The following RBM47 variants were observed in gnomAD, a reference collection of about 807,000 sequenced individuals.
RBM47 encodes RNA-binding protein 47.
Under a neutral mutation model 47.1 loss-of-function variants are expected in RBM47, and 21 were observed. The ratio of observed to expected loss-of-function variants is 0.45; its 90% CI spans 0.32 to 0.64. The LOEUF is 0.64. Ranked by LOEUF, RBM47 falls within the 30% of genes least tolerant of loss-of-function variation. RBM47 has a pLI of 0.05. For missense variants in RBM47, 708 were observed against 870.9 expected (o/e 0.81, Z 2.35); for synonymous variants, 375 against 361.7 (o/e 1.04, Z -0.42).
At chr4:40,535,648 C>T (rs1727900366) in intron 2 of RBM47, among the ~76,000 whole-genome samples, 1 of 151,954 alleles carries the variant, frequency 6.6e-6, no homozygotes, top group African/African-American at 2.4e-5. Flanking sequence ...GCAACCTCCA[C>T]CTCCCGGGGC....
chr4:40,595,695 C>A (rs1367734345), intron 1 of RBM47, among the ~76,000 whole-genome samples: 1 of 151,964 alleles, frequency 6.6e-6, no homozygotes, highest in Non-Finnish European at 1.5e-5. Context: ...CAAGACCAGC[C>A]TGGCCAACAT....
chr4:40,495,091 C>T (rs575489102), intron 2 of RBM47, among the ~76,000 whole-genome samples: 1 of 152,104 alleles, frequency 6.6e-6, no homozygotes, highest in South Asian at 2.1e-4. Flanking sequence ...ACAGGCACGC[C>T]CCACCATGCC....
At chr4:40,486,069 C>CAAAAAAAAAAAAAAAAA (rs201408070) in intron 2 of RBM47, among the ~76,000 whole-genome samples, 2 of 62,818 alleles carry the variant, frequency 3.2e-5, no homozygotes, top group African/African-American at 5.0e-5. Context: ...AACCCTGTTT[C>CAAAAAAAAAAAAAAAAA]AAAAAAAAAA....
Position 40,425,190 on chromosome 4 carries a change from C to A in RBM47, c.*714G>T, listed in dbSNP as rs1362766098. ...GGCTAAGGCACATGGAGAATGAGCC[C>A]CGGCTAACGGTGGCAAAGGAGAGCT... On this transcript the variant is annotated 3_prime_UTR_variant, in exon 7 of 7. Coordinates refer to ENST00000295971, the MANE Select transcript of RBM47 (RefSeq NM_001098634.2). 1 of 152,600 alleles carries A rather than the reference C, an allele frequency of 6.6e-6. No individual in the cohort carries two copies. The highest frequency in any genetic ancestry group is 6.5e-5 in the Admixed American group (1 of 15,272). 9.5% of individuals were successfully genotyped at this position (152,600 alleles called of 1,614,324 possible).
intron 1 of RBM47, among the ~76,000 whole-genome samples, chr4:40,578,812 G>A (rs1653584624): frequency 1.3e-5 from 2 of 152,222 alleles, no homozygotes; most frequent in Admixed American, 1.3e-4. Context: ...GCTACACACA[G>A]TAGGTGCTCA....
chr4:40,616,818 C>CTCT (rs1736776785), intron 1 of RBM47, among the ~76,000 whole-genome samples: 1 of 151,510 alleles, frequency 6.6e-6, no homozygotes, highest in Non-Finnish European at 1.5e-5. Flanking sequence ...ATTTGCATGT[C>CTCT]TCTCAGTGGT....
chr4:40,536,182 AC>A (rs1233239455), intron 2 of RBM47, among the ~76,000 whole-genome samples: 1 of 152,248 alleles, frequency 6.6e-6, no homozygotes, highest in African/African-American at 2.4e-5. Context: ...CTGCATAGAA[AC>A]CAATGAGCAT....
At chr4:40,595,995 C>A (rs1210085258) in intron 1 of RBM47, among the ~76,000 whole-genome samples, 1 of 152,134 alleles carries the variant, frequency 6.6e-6, no homozygotes, top group Non-Finnish European at 1.5e-5. Flanking sequence ...TGGACGCAGC[C>A]TCTCTGCACG....
chr4:40,492,204 A>G (rs1361603179), intron 2 of RBM47, among the ~76,000 whole-genome samples: 1 of 152,018 alleles, frequency 6.6e-6, no homozygotes, highest in Non-Finnish European at 1.5e-5. Context: ...CCTCATCTCT[A>G]TGAAAAATAC....
At chr4:40,595,886 C>T (rs1734705753) in intron 1 of RBM47, among the ~76,000 whole-genome samples, 1 of 147,864 alleles carries the variant, frequency 6.8e-6, no homozygotes, top group African/African-American at 2.5e-5. Flanking sequence ...GGCTGGGCAA[C>T]AGAGTGAAAC....
chr4:40,518,153 C>CTTTCCT (rs1560439940), intron 2 of RBM47, among the ~76,000 whole-genome samples: 2 of 99,546 alleles, frequency 2.0e-5, no homozygotes, highest in African/African-American at 7.0e-5. Flanking sequence ...TGTTTCTTTT[C>CTTTCCT]TTTTCTTTTT....
intron 2 of RBM47, among the ~76,000 whole-genome samples, chr4:40,509,958 G>C (rs1177500155): frequency 6.6e-6 from 1 of 151,778 alleles, no homozygotes; most frequent in African/African-American, 2.4e-5. Context: ...AGGCTGAGGG[G>C]GGGTGGGTCA....
rs1176046497 is a variant in RBM47 at position 40,464,817 on chromosome 4, GGAGGCA to G, written c.-32+1754_-32+1759del. 2.0e-5 allele frequency among the ~76,000 whole-genome samples: 3 copies of G among 148,462 alleles called. No homozygotes were observed. In the Admixed American group the frequency reaches 2.0e-4, roughly 10 times the overall value. On this transcript the variant is annotated intron_variant, in intron 3 of 6. Transcript: ENST00000295971. ...GAGGCAGGAGAATGGCGTGAACCCG[GGAGGCA>G]GAGCTTGCAGTGAGCCGAGATCGCG... is the stretch of plus-strand genomic sequence containing the variant.
chr4:40,505,362 T>C lies in RBM47; in HGVS notation c.-154-38663A>G, dbSNP rs540809442. 1.1e-3 allele frequency among the ~76,000 whole-genome samples: 173 copies of C among 151,802 alleles called. 1 individual carries two copies. The highest frequency in any genetic ancestry group is 8.8e-5 in the Non-Finnish European group (6 of 67,952). ...CACAAATTAGCCAGGCATGGTGGTA[T>C]GTGCCTGTGTTCCCAGCTACTTGGG... On this transcript the variant is annotated intron_variant, in intron 2 of 6. Coordinates refer to ENST00000295971, the MANE Select transcript of RBM47 (RefSeq NM_001098634.2).
chr4:40,596,623 ATT>A (rs1481485164), intron 1 of RBM47, among the ~76,000 whole-genome samples: 7 of 152,300 alleles, frequency 4.6e-5, no homozygotes, highest in African/African-American at 1.7e-4. Context: ...GGACAATGAA[ATT>A]TGACTTTCAT....
In RBM47 at chr4:40,479,397, G is replaced by A. The variant is rs191576502; in HGVS notation, c.-154-12698C>T. 8.5e-5 allele frequency among the ~76,000 whole-genome samples: 13 copies of A among 152,140 alleles called. No homozygotes were observed. The East Asian group carries it at 1.9e-3, about 23-fold the overall frequency. ...ACAGGAGGATTGCTTGAGCCCAGGA[G>A]TTCAGGACCAGCCTGGGGAACATAG... On this transcript the variant is annotated intron_variant, in intron 2 of 6. Transcript: ENST00000295971.
intron 2 of RBM47, among the ~76,000 whole-genome samples, chr4:40,512,906 T>TC (rs964389431): frequency 2.0e-5 from 3 of 152,118 alleles, no homozygotes; most frequent in African/African-American, 7.2e-5. Flanking sequence ...TTAGATACAG[T>TC]AAGTATCAAA....
chr4:40,589,247 C>T (rs1733897506), intron 1 of RBM47, among the ~76,000 whole-genome samples: 2 of 151,604 alleles, frequency 1.3e-5, no homozygotes, highest in South Asian at 2.1e-4. Flanking sequence ...GGATTATAGG[C>T]GTGAGCCACA....
Position 40,628,562 on chromosome 4 carries a change from T to G in RBM47, c.-240+834A>C, listed in dbSNP as rs6820998. ...TGTCAACCCTTTGCTTTCCCTCCCC[T>G]GAGAAATTCGTATGACCTTGCCTTA... On this transcript the variant is annotated intron_variant, in intron 1 of 6. Transcript: ENST00000295971. The surrounding 1 kb of genome is among the most constrained non-coding windows in gnomAD (Gnocchi z 4.0). 0.02 allele frequency among the ~76,000 whole-genome samples: 3,098 copies of G among 152,324 alleles called. 104 individuals are homozygous for G. The highest frequency in any genetic ancestry group is 0.067 in the African/African-American group (2,801 of 41,560).
Sources: allele counts gnomAD v4.1 joint callset (sites outside exome capture counted in the v4.1 genomes callset), GRCh38; gene constraint gnomAD v4.1.1; non-coding constraint Gnocchi (gnomAD v3.1); transcripts MANE v1.5; gene names NCBI Gene and HGNC (gene_info 2026-07-23, HGNC 2026-07-21).